Variants in SAG observed in about 807,000 individuals in gnomAD.
The protein encoded by SAG is S-arrestin.
Under a neutral mutation model 55.0 loss-of-function variants are expected in SAG, and 45 were observed. The ratio of observed to expected loss-of-function variants is 0.82; its 90% CI spans 0.64 to 1.05. The LOEUF is 1.05. Among genes scored for constraint, SAG ranks in the 50% least tolerant of loss-of-function variants. The pLI, the probability that SAG is intolerant of heterozygous loss-of-function variation, is 0.00. For synonymous variants in SAG, 189 were observed against 197.4 expected (o/e 0.96, Z 0.36); for missense variants, 455 against 512.1 (o/e 0.89, Z 1.08).
In SAG at chr2:233,340,306, T is replaced by C; in HGVS notation, c.1023-149T>C. The C allele has an allele frequency of 4.5e-6, 3 of 664,594 alleles. No homozygotes were observed. The Admixed American group carries it at 8.0e-5, about 18-fold the overall frequency. 41.2% of individuals were successfully genotyped at this position (664,594 alleles called of 1,614,324 possible). On this transcript the variant is annotated intron_variant, in intron 12 of 15. Coordinates refer to ENST00000409110, the MANE Select transcript of SAG (RefSeq NM_000541.5). This position sits in a 1 kb window ranked among gnomAD's most constrained non-coding sequence, Gnocchi z 4.2. ...AGAGATGAAGTCACAGGTAATGAAG[T>C]TGAACATTAAGGGATGGGAAGACCC...
chr2:233,328,892 C>A (rs933250310), intron 8 of SAG: 3 of 388,808 alleles, frequency 7.7e-6, no homozygotes, highest in Admixed American at 4.3e-5. Context: ...CATACCTGCC[C>A]CCCAGCTGTC....
chr2:233,329,256 C>T (rs1700672166), intron 8 of SAG: 1 of 479,976 alleles, frequency 2.1e-6, no homozygotes, highest in Non-Finnish European at 3.8e-6. Context: ...ACCTCCTGAC[C>T]CCTGGCCTCC....
At position 233,328,543 on chromosome 2, in the gene SAG, G is replaced by A. The variant is rs200197391; in HGVS notation, c.578G>A (p.Arg193Gln). ...CCACTTGAGATGGGTCCCCAGCCCC[G>A]AGCTGAGGCGGCCTGGCAGTTCTTC... ...HAPLEMGPQP[R>Q]AEAAWQFFMS... Residue 193 changes from arginine to glutamine, a missense_variant, in exon 8 of 16, where the codon CGA becomes CAA. Physicochemically the swap from Arg to Gln is conservative, Grantham distance 43 (BLOSUM62 1). Transcript: ENST00000409110. The A allele has an allele frequency of 8.1e-6, 13 of 1,613,890 alleles. No homozygotes were observed. Among genetic ancestry groups the A allele is most frequent in the Admixed American group, 6.7e-5 (4 of 59,998 alleles).
chr2:233,323,658 C>T (rs1181574699), intron 6 of SAG, among the ~76,000 whole-genome samples: 2 of 152,160 alleles, frequency 1.3e-5, no homozygotes, highest in Admixed American at 6.5e-5. Flanking sequence ...CCACCGCGCT[C>T]GGCCCATTAG....
At position 233,331,621 on chromosome 2, in the gene SAG, TC is replaced by T. The variant is rs1158267152; in HGVS notation, c.734-16del. The T allele has an allele frequency of 3.1e-6, 5 of 1,588,568 alleles. No homozygotes were observed. The highest frequency in any genetic ancestry group is 4.3e-6 in the Non-Finnish European group (5 of 1,157,146). The stretch of plus-strand genomic sequence containing the variant: ...GGGGGACCAGTGCTGACCACCGGAC[TC>T]CCGTCTTCCCCTTGCAGTGGAACAG... On this transcript the variant is annotated intron_variant, in intron 9 of 15. Transcript: ENST00000409110.
intron 11 of SAG, among the ~76,000 whole-genome samples, chr2:233,336,613 A>C (rs1432997138): frequency 3.3e-5 from 5 of 152,180 alleles, no homozygotes; most frequent in African/African-American, 1.2e-4. Flanking sequence ...TGGGTAAGGA[A>C]ATTGAGGTTG....
intron 2 of SAG, 67 bp from the exon 3 acceptor site, chr2:233,316,008 G>GT (rs1268589746): frequency 2.0e-6 from 2 of 997,772 alleles, no homozygotes; most frequent in Admixed American, 2.1e-5. Flanking sequence ...GCTGCTGCTG[G>GT]TTTTTATCAT....
chr2:233,327,164 G>A lies in SAG; in HGVS notation c.479G>A (p.Ser160Asn). 3 of 1,613,902 alleles carry A rather than the reference G, an allele frequency of 1.9e-6. No individual in the cohort carries two copies. The highest frequency in any genetic ancestry group is 2.5e-6 in the Non-Finnish European group (3 of 1,179,814). ...DFEVKAFATD[S>N]TDAEEDKIPK... is the part of the protein sequence containing the mutation. ...GAGGTCAAAGCATTCGCCACAGACAGCACCGATGCCGAAGAGGACAAAATC... is the reference window on the plus strand; with the variant it reads ...GAGGTCAAAGCATTCGCCACAGACAACACCGATGCCGAAGAGGACAAAATC... The change falls in exon 7 of 16, where the codon AGC (serine) becomes AAC (asparagine). Residue 160 changes from serine (S) to asparagine (N), a missense_variant. By Grantham distance (46) the Ser-to-Asn change is conservative. Coordinates refer to ENST00000409110, the MANE Select transcript of SAG (RefSeq NM_000541.5).
intron 2 of SAG, among the ~76,000 whole-genome samples, chr2:233,313,267 C>T (rs529508495): frequency 1.2e-4 from 19 of 152,252 alleles, no homozygotes; most frequent in South Asian, 2.1e-4. Flanking sequence ...CCTTCCTTAC[C>T]GTGGAAACAA....
At chr2:233,335,137 G>A (rs1238223941) in intron 11 of SAG, 38 bp downstream of exon 11, 1 of 1,590,258 alleles carries the variant, frequency 6.3e-7, no homozygotes, top group African/African-American at 1.3e-5. Flanking sequence ...CCCTGGCAGG[G>A]CGGGCTGGTG....
chr2:233,346,492 T>A, intron 15 of SAG, 80 bp downstream of exon 15: 1 of 1,451,914 alleles, frequency 6.9e-7, no homozygotes, highest in Non-Finnish European at 9.7e-7. Flanking sequence ...CCTCTTTGAG[T>A]CTTTGCACAT....
At chr2:233,329,616 T>C in intron 9 of SAG, 39 bp downstream of exon 9, 1 of 1,373,098 alleles carries the variant, frequency 7.3e-7, no homozygotes, top group African/African-American at 1.4e-5. Flanking sequence ...CATAGTCTTC[T>C]AGAATTTCTG....
chr2:233,330,322 G>A (rs1574944153), intron 9 of SAG, among the ~76,000 whole-genome samples: 1 of 152,140 alleles, frequency 6.6e-6, no homozygotes, highest in African/African-American at 2.4e-5. Flanking sequence ...CTGAGGATGT[G>A]GAACTTCCAG....
intron 2 of SAG, among the ~76,000 whole-genome samples, chr2:233,314,618 G>A (rs995640889): frequency 6.6e-6 from 1 of 152,222 alleles, no homozygotes; most frequent in Non-Finnish European, 1.5e-5. Flanking sequence ...GCTGCTCACA[G>A]GTGCCAGGCT....
rs980843709 is a variant in SAG at position 233,327,001 on chromosome 2, A to G, written c.436-120A>G. On this transcript the variant is annotated intron_variant, in intron 6 of 15. Coordinates refer to ENST00000409110, the MANE Select transcript of SAG (RefSeq NM_000541.5). The stretch of plus-strand genomic sequence containing the variant: ...TAAATGGTGCAACCCCGAATAGGAC[A>G]TGGCCAAGACAAAAAGAGATAGTGC... 26 of 738,082 alleles carry G rather than the reference A, an allele frequency of 3.5e-5. No individual in the cohort carries two copies. The African/African-American group carries it at 4.0e-4, about 11-fold the overall frequency. 45.7% of individuals were successfully genotyped at this position (738,082 alleles called of 1,614,324 possible). A position where few individuals can be genotyped will look rare whatever the true frequency, so the allele number is the denominator to read the frequency against.
intron 15 of SAG, 143 bp from the exon 16 acceptor site, chr2:233,346,664 C>A: frequency 1.3e-6 from 1 of 750,742 alleles, no homozygotes; most frequent in Non-Finnish European, 2.3e-6. Flanking sequence ...TTAAACGAAG[C>A]CTTGAGGAAA....
At chr2:233,310,965 C>T (rs889546114) in intron 2 of SAG, among the ~76,000 whole-genome samples, 2 of 152,170 alleles carry the variant, frequency 1.3e-5, no homozygotes, top group East Asian at 3.9e-4. Flanking sequence ...TTCTTTCGTT[C>T]TCCAAGCCCT....
Position 233,346,417 on chromosome 2 carries a change from G to A in SAG, c.1112+5G>A. The A allele has an allele frequency of 6.2e-7, 1 of 1,613,798 alleles. No homozygotes were observed. The highest frequency in any genetic ancestry group is 1.1e-5 in the South Asian group (1 of 91,080). On this transcript the variant is annotated splice_donor_5th_base_variant and intron_variant, in intron 15 of 15. Coordinates refer to ENST00000409110, the MANE Select transcript of SAG (RefSeq NM_000541.5). ...CATGCTTACAGCTAAGGAAAGGTGAGTGAGCCTCTTGAATGTGGCCCTGAT... is the reference window on the plus strand; with the variant it reads ...CATGCTTACAGCTAAGGAAAGGTGAATGAGCCTCTTGAATGTGGCCCTGAT...
rs768666234 is a variant in SAG, at chr2:233,327,234, G to A, written c.512+37G>A. ...GTTGCGGAATAGGTGAGGGGTCTGC[G>A]GTGGGGGTGGAGAGAAGAGACGACC... On this transcript the variant is annotated intron_variant, in intron 7 of 15. Transcript: ENST00000409110. The A allele has an allele frequency of 7.8e-6, 12 of 1,545,550 alleles. No individual in the cohort carries two copies. In the East Asian group the frequency reaches 1.3e-4, roughly 17 times the overall value.
Sources: gnomAD v4.1 joint callset for allele counts (sites outside exome capture counted in the v4.1 genomes callset) on GRCh38, gnomAD v4.1.1 for gene constraint, Gnocchi (gnomAD v3.1) non-coding constraint, MANE v1.5 for transcripts, NCBI Gene and HGNC (gene_info 2026-07-23, HGNC 2026-07-21) for gene names.